EPC2: variants seen among roughly 807,000 people sequenced by gnomAD.
EPC2 encodes the protein enhancer of polycomb homolog 2.
In EPC2, 14 loss-of-function variants were observed where a neutral mutation model predicts 92.1. The ratio of observed to expected loss-of-function variants is 0.15; its 90% CI spans 0.10 to 0.24. The LOEUF (loss-of-function observed/expected upper bound fraction) is 0.24. Among genes scored for constraint, EPC2 ranks in the 10% least tolerant of loss-of-function variants. The probability of loss-of-function intolerance (pLI) is 1.00; values close to 1 mark genes in which losing one functional copy is unlikely to be tolerated. For synonymous variants in EPC2, 340 were observed against 334.7 expected (o/e 1.02, Z -0.17); for missense variants, 755 against 971.5 (o/e 0.78, Z 2.96).
chr2:148,766,224 T>C (rs1168812695), intron 7 of EPC2, among the ~76,000 whole-genome samples: 1 of 152,234 alleles, frequency 6.6e-6, no homozygotes, highest in African/African-American at 2.4e-5. Flanking sequence ...AAGGAAACTT[T>C]CTTTTAAAAA....
chr2:148,670,514 T>C (rs538892217), intron 1 of EPC2, among the ~76,000 whole-genome samples: 9 of 152,326 alleles, frequency 5.9e-5, no homozygotes, highest in African/African-American at 2.2e-4. Context: ...CCCGTTAATA[T>C]GGGTTCATTT....
At chr2:148,670,741 C>T (rs533014900) in intron 1 of EPC2, among the ~76,000 whole-genome samples, 32 of 152,110 alleles carry the variant, frequency 2.1e-4, no homozygotes, top group Non-Finnish European at 3.8e-4. Context: ...CCCTCGGTCT[C>T]ACTCTGCTGC....
chr2:148,733,460 C>T, intron 2 of EPC2, among the ~76,000 whole-genome samples: 1 of 99,994 alleles, frequency 1.0e-5, no homozygotes, highest in Non-Finnish European at 2.2e-5. Context: ...TTACCTTTCT[C>T]TTTTCTTTCT....
chr2:148,749,234 T>TCC (rs1053461432), intron 3 of EPC2, among the ~76,000 whole-genome samples: 2 of 152,110 alleles, frequency 1.3e-5, no homozygotes, highest in Non-Finnish European at 2.9e-5. Context: ...GCCGGTGGTG[T>TCC]TCATAGTACC....
chr2:148,783,324 CCATT>C (rs942495920), intron 11 of EPC2, among the ~76,000 whole-genome samples: 11 of 152,260 alleles, frequency 7.2e-5, no homozygotes, highest in Admixed American at 1.3e-4. Flanking sequence ...ATTTTTAAAA[CCATT>C]CATTAATATT....
chr2:148,692,163 T>C (rs1473551584), intron 2 of EPC2: 2 of 225,742 alleles, frequency 8.9e-6, no homozygotes, highest in African/African-American at 2.3e-5. Flanking sequence ...TCCTTGGATG[T>C]GCTATTGAAG....
chr2:148,693,262 T>C (rs1157800327), intron 2 of EPC2, among the ~76,000 whole-genome samples: 2 of 152,202 alleles, frequency 1.3e-5, no homozygotes, highest in African/African-American at 4.8e-5. Context: ...TTCACTTGGC[T>C]AGAAAAAAAA....
At chr2:148,695,309 T>C (rs1681723385) in intron 2 of EPC2, among the ~76,000 whole-genome samples, 2 of 152,184 alleles carry the variant, frequency 1.3e-5, no homozygotes, top group South Asian at 4.1e-4. Context: ...GAGAGAGGAA[T>C]GCACTCAAAG....
intron 2 of EPC2, among the ~76,000 whole-genome samples, chr2:148,714,141 T>G (rs1346976041): frequency 6.7e-6 from 1 of 148,902 alleles, no homozygotes; most frequent in African/African-American, 2.5e-5. Context: ...CAGCTCCCAT[T>G]TCTAAGTGAG....
chr2:148,659,125 C>T (rs1680882886), intron 1 of EPC2, among the ~76,000 whole-genome samples: 1 of 152,082 alleles, frequency 6.6e-6, no homozygotes, highest in South Asian at 2.1e-4. Flanking sequence ...AATTCGGATA[C>T]TTTGTGGATT....
intron 3 of EPC2, among the ~76,000 whole-genome samples, chr2:148,753,346 A>T (rs769104448): frequency 1.3e-5 from 2 of 152,214 alleles, no homozygotes; most frequent in Non-Finnish European, 2.9e-5. Flanking sequence ...TGGATAGAGG[A>T]ATTATTTTAT....
intron 2 of EPC2, among the ~76,000 whole-genome samples, chr2:148,697,359 T>A (rs1489344281): frequency 6.6e-6 from 1 of 152,142 alleles, no homozygotes; most frequent in East Asian, 1.9e-4. Context: ...GCAGGTTGCT[T>A]GCTGATAGAA....
chr2:148,719,847 C>T (rs923984921), intron 2 of EPC2, among the ~76,000 whole-genome samples: 1 of 152,258 alleles, frequency 6.6e-6, no homozygotes. Flanking sequence ...GGAGCCCAAA[C>T]AGCCAAGGTG....
chr2:148,754,288 GAC>G (rs1683139434), intron 4 of EPC2, among the ~76,000 whole-genome samples, 155 bp downstream of exon 4: 1 of 152,146 alleles, frequency 6.6e-6, no homozygotes, highest in South Asian at 2.1e-4. Flanking sequence ...TCCGTGGTCA[GAC>G]ACATTATCCA....
intron 10 of EPC2, among the ~76,000 whole-genome samples, chr2:148,772,270 G>T (rs1044573057): frequency 3.3e-5 from 5 of 151,984 alleles, no homozygotes; most frequent in Admixed American, 1.3e-4. Flanking sequence ...TTCTTCTGTG[G>T]TCTCTTTATC....
At chr2:148,769,276 A>G in intron 8 of EPC2, 36 bp downstream of exon 8, 2 of 1,431,944 alleles carry the variant, frequency 1.4e-6, no homozygotes, top group Admixed American at 1.8e-5. Flanking sequence ...GTTTTTGTGA[A>G]CTGGAATTAA....
chr2:148,765,280 GTATT>G lies in EPC2; in HGVS notation c.1140+138_1140+141del, dbSNP rs1683387198. ...TGTATATAGCATAAACATTTCCACA[GTATT>G]TATGTAGCCACTGAAATGGTATTTA... is the stretch of plus-strand genomic sequence containing the variant. On this transcript the variant is annotated intron_variant, in intron 7 of 13. Coordinates refer to ENST00000258484, the MANE Select transcript of EPC2 (RefSeq NM_015630.4). The G allele has an allele frequency of 8.0e-6, 4 of 499,668 alleles. No homozygotes were observed. The South Asian group carries it at 2.6e-4, about 32-fold the overall frequency. 31.0% of individuals were successfully genotyped at this position (499,668 alleles called of 1,614,324 possible).
chr2:148,701,993 AGTT>A (rs1334898999), intron 2 of EPC2, among the ~76,000 whole-genome samples: 4 of 151,914 alleles, frequency 2.6e-5, no homozygotes, highest in Non-Finnish European at 5.9e-5. Context: ...ATGGCCATAT[AGTT>A]GTTCTGTGCT....
intron 13 of EPC2, among the ~76,000 whole-genome samples, chr2:148,785,901 A>G (rs900389907): frequency 2.0e-5 from 3 of 152,182 alleles, no homozygotes; most frequent in African/African-American, 7.2e-5. Flanking sequence ...AGCCTATAGA[A>G]TTAAACTCTA....
Sources: allele counts gnomAD v4.1 joint callset (sites outside exome capture counted in the v4.1 genomes callset), GRCh38; gene constraint gnomAD v4.1.1; transcripts MANE v1.5; gene names NCBI Gene and HGNC (gene_info 2026-07-23, HGNC 2026-07-21).